Variants in BCL2L13 observed in about 807,000 individuals in gnomAD.
BCL2L13 encodes BCL2 like 13.
In BCL2L13, 13 loss-of-function variants were observed where a neutral mutation model predicts 25.8. The ratio of observed to expected loss-of-function variants is 0.50; its 90% confidence interval spans 0.33 to 0.80. The LOEUF (loss-of-function observed/expected upper bound fraction) is 0.80. Among genes scored for constraint, BCL2L13 ranks in the 30% least tolerant of loss-of-function variants. The pLI, the probability that BCL2L13 is intolerant of heterozygous loss-of-function variation, is 0.02. For missense variants in BCL2L13, 504 were observed against 574.9 expected, an observed-to-expected ratio of 0.88 and a Z score of 1.26; for synonymous variants, 244 against 230.3, an observed-to-expected ratio of 1.06 and a Z score of -0.54.
At chr22:17,725,103 T>G (rs1487990741) in intron 6 of BCL2L13, among the ~76,000 whole-genome samples, 1 of 152,234 alleles carries the variant, frequency 6.6e-6, no homozygotes, top group Non-Finnish European at 1.5e-5. Flanking sequence ...TTGCTTTCAC[T>G]CAGACTTCCT....
intron 5 of BCL2L13, among the ~76,000 whole-genome samples, chr22:17,699,266 C>T (rs2060360367): frequency 6.6e-6 from 1 of 152,130 alleles, no homozygotes; most frequent in Non-Finnish European, 1.5e-5. Flanking sequence ...TGTTAAGTCA[C>T]AGAAGGGTTA....
At chr22:17,631,253 C>T (rs1420623043) in intron 1 of BCL2L13, among the ~76,000 whole-genome samples, 5 of 151,884 alleles carry the variant, frequency 3.3e-5, no homozygotes, top group South Asian at 4.2e-4. Context: ...CCCGCCACCA[C>T]GCCCCGCTAA....
At chr22:17,693,354 TTTATTTATTTA>T (rs2060160691) in intron 4 of BCL2L13, among the ~76,000 whole-genome samples, 1 of 108,622 alleles carries the variant, frequency 9.2e-6, no homozygotes, top group Non-Finnish European at 2.3e-5. Flanking sequence ...TATTTATTTA[TTTATTTATTTA>T]GTGTTTGTTT....
chr22:17,657,823 CTTTTTTTTT>C lies in BCL2L13; in HGVS notation c.121+2004_121+2012del, dbSNP rs71201859. On this transcript the variant is annotated intron_variant, in intron 2 of 6. Transcript: ENST00000317582. ...GAGCCACCACACCTGGTTGACATTTCTTTTTTTTTTTTTTTTTTTTTGAGATGAGTCTTG... is the reference window on the plus strand; with the variant it reads ...GAGCCACCACACCTGGTTGACATTTCTTTTTTTTTTTTGAGATGAGTCTTG... Among the ~76,000 whole-genome samples, 60 of 85,764 alleles carry C rather than the reference CTTTTTTTTT, an allele frequency of 7.0e-4. 1 individual carries two copies. The South Asian group carries it at 0.026, about 37-fold the overall frequency. 56.3% of individuals were successfully genotyped at this position (85,764 alleles called of 152,430 possible). A position where few individuals can be genotyped will look rare whatever the true frequency, so the allele number is the denominator to read the frequency against.
At chr22:17,628,902 G>T, upstream of BCL2L13, 1 of 526,288 alleles carries the variant, frequency 1.9e-6, no homozygotes, top group South Asian at 2.4e-5. Context: ...CTCGTGACCT[G>T]ACCGGTATTT....
chr22:17,654,651 C>T (rs1307799639), intron 1 of BCL2L13, among the ~76,000 whole-genome samples: 1 of 151,884 alleles, frequency 6.6e-6, no homozygotes, highest in African/African-American at 2.4e-5. Context: ...GTCTCGATCT[C>T]CTGACCTCGT....
At chr22:17,685,526 C>G (rs2059900796) in intron 3 of BCL2L13, among the ~76,000 whole-genome samples, 1 of 151,970 alleles carries the variant, frequency 6.6e-6, no homozygotes. Flanking sequence ...ACCTGGCCGA[C>G]TTAGCATAAT....
chr22:17,631,676 A>ATG lies in BCL2L13; in HGVS notation c.-650+2672_-650+2673insGT, dbSNP rs1568903634. On this transcript the variant is annotated intron_variant, in intron 1 of 6. Transcript: ENST00000399782. Reference sequence around the variant, plus strand: ...TGTATGTATGTGTGTGTGTGTATATATATATATATATATATATATATATAT... The same window carrying ATG: ...TGTATGTATGTGTGTGTGTGTATATATGTATATATATATATATATATATATAT... 4.4e-4 allele frequency among the ~76,000 whole-genome samples: 7 copies of ATG among 15,816 alleles called. 1 individual carries two copies. Among genetic ancestry groups the ATG allele is most frequent in the African/African-American group, 1.3e-3 (6 of 4,510 alleles). The allele number at this position is 15,816 out of a possible 152,430, so 10.4% of individuals were successfully genotyped here.
At chr22:17,719,463 A>G (rs1375173159) in intron 6 of BCL2L13, among the ~76,000 whole-genome samples, 1 of 152,204 alleles carries the variant, frequency 6.6e-6, no homozygotes, top group Non-Finnish European at 1.5e-5. Context: ...AAACTAGTAC[A>G]TGGACATTTA....
At chr22:17,639,593 G>A (rs1023902704) in intron 1 of BCL2L13, among the ~76,000 whole-genome samples, 2 of 152,136 alleles carry the variant, frequency 1.3e-5, no homozygotes, top group Non-Finnish European at 2.9e-5. Context: ...TGCTGGCTTT[G>A]GTTAGCTCTT....
At chr22:17,714,034 C>G (rs979949558) in intron 6 of BCL2L13, among the ~76,000 whole-genome samples, 1 of 150,562 alleles carries the variant, frequency 6.6e-6, no homozygotes, top group Non-Finnish European at 1.5e-5. Flanking sequence ...AGGCTCACAC[C>G]TGTAATCCCA....
At chr22:17,652,314 A>G (rs367711864) in intron 1 of BCL2L13, among the ~76,000 whole-genome samples, 10 of 152,210 alleles carry the variant, frequency 6.6e-5, no homozygotes, top group Admixed American at 3.3e-4. Flanking sequence ...CTAGGATTAC[A>G]GATGTGAACC....
intron 6 of BCL2L13, among the ~76,000 whole-genome samples, chr22:17,710,828 G>A (rs1190790825): frequency 6.6e-6 from 1 of 151,918 alleles, no homozygotes; most frequent in Admixed American, 6.6e-5. Context: ...AGTGAGTCAA[G>A]ATCGAGCCAC....
intron 6 of BCL2L13, among the ~76,000 whole-genome samples, chr22:17,722,520 G>T (rs1223498851): frequency 1.3e-5 from 2 of 151,964 alleles, no homozygotes; most frequent in Non-Finnish European, 2.9e-5. Context: ...GGGATTACAG[G>T]TATGAACCAC....
chr22:17,696,707 T>G (rs1049762427), intron 5 of BCL2L13, among the ~76,000 whole-genome samples: 1 of 152,184 alleles, frequency 6.6e-6, no homozygotes, highest in Non-Finnish European at 1.5e-5. Context: ...ACTTAGCTAG[T>G]TAGGTAGGTA....
chr22:17,663,365 T>C (rs1404380595), intron 2 of BCL2L13, among the ~76,000 whole-genome samples: 43 of 152,156 alleles, frequency 2.8e-4, no homozygotes, highest in Admixed American at 2.8e-3. Context: ...TGTCCTACTT[T>C]TGAAAATTGA....
intron 1 of BCL2L13, among the ~76,000 whole-genome samples, chr22:17,644,533 C>T (rs545261720): frequency 1.4e-4 from 21 of 150,508 alleles, no homozygotes; most frequent in Non-Finnish European, 2.5e-4. Context: ...GGTTTCACCA[C>T]GTTGGCCAGG....
chr22:17,724,322 T>C (rs1422332999), intron 6 of BCL2L13, among the ~76,000 whole-genome samples: 1 of 152,152 alleles, frequency 6.6e-6, no homozygotes, highest in Non-Finnish European at 1.5e-5. Flanking sequence ...CCCATTTTAT[T>C]TGTGAAGAAA....
chr22:17,682,359 G>A (rs1351480237), intron 2 of BCL2L13, among the ~76,000 whole-genome samples: 3 of 152,040 alleles, frequency 2.0e-5, no homozygotes, highest in Admixed American at 6.6e-5. Context: ...GGCAGGGTTG[G>A]GGGAAGAAAA....
Sources: gnomAD v4.1 joint callset for allele counts (sites outside exome capture counted in the v4.1 genomes callset) on GRCh38, gnomAD v4.1.1 for gene constraint, MANE v1.5 for transcripts, NCBI Gene and HGNC (gene_info 2026-07-23, HGNC 2026-07-21) for gene names.